Variants in INSRR observed in about 807,000 individuals in gnomAD.
INSRR encodes the protein insulin receptor-related protein.
INSRR carries 114 observed loss-of-function variants against 130.0 expected under a neutral mutation model. The observed-to-expected ratio is 0.88, with a 90% CI of 0.75 to 1.02. The LOEUF is 1.02. Ranked by LOEUF, INSRR falls within the 50% of genes least tolerant of loss-of-function variation. The pLI is 0.00. For missense variants in INSRR, 1,657 were observed against 1,735.2 expected (o/e 0.95, Z 0.80); for synonymous variants, 674 against 705.2 (o/e 0.96, Z 0.70).
Position 156,851,628 on chromosome 1 carries a change from C to T in INSRR, c.1084+18G>A. The stretch of plus-strand genomic sequence containing the variant: ...GTATGACCAGGAGGAGGGGTGTGGC[C>T]CCAAAGTAGGTACTGACAGCCCTGG... On this transcript the variant is annotated intron_variant, in intron 4 of 21. Coordinates refer to ENST00000368195, the MANE Select transcript of INSRR (RefSeq NM_014215.3). The T allele has an allele frequency of 1.2e-6, 2 of 1,614,022 alleles. No homozygotes were observed. The highest frequency in any genetic ancestry group is 8.5e-7 in the Non-Finnish European group (1 of 1,179,974).
In INSRR at chr1:156,854,129, C is replaced by T. The variant is rs150713464; in HGVS notation, c.260G>A (p.Arg87His). Residue 87 changes from arginine (R) to histidine (H), a missense_variant, in exon 2 of 22, where the codon CGT becomes CAT. Transcript: ENST00000368195. The surrounding 1 kb of genome is among the most constrained non-coding windows in gnomAD (Gnocchi z 4.2). ...TQVTDYLLLF[R>H]VYGLESLRDL... Reference sequence around the variant, plus strand: ...GCGCAGGCTCTCCAGTCCGTAGACACGGAAGAGCAGCAGGTAGTCGGTGAC... The same window carrying T: ...GCGCAGGCTCTCCAGTCCGTAGACATGGAAGAGCAGCAGGTAGTCGGTGAC... 279 of 1,614,036 alleles carry T rather than the reference C, an allele frequency of 1.7e-4. No individual in the cohort carries two copies. The highest frequency in any genetic ancestry group is 2.2e-4 in the Non-Finnish European group (254 of 1,180,044).
chr1:156,848,267 T>C (rs1246094169), intron 7 of INSRR, among the ~76,000 whole-genome samples: 4 of 152,192 alleles, frequency 2.6e-5, no homozygotes, highest in Admixed American at 2.0e-4. Flanking sequence ...CAGGAAATGC[T>C]TCTAAGCCAG....
At chr1:156,857,482 G>A (rs1434523647) in intron 1 of INSRR, among the ~76,000 whole-genome samples, 1 of 152,146 alleles carries the variant, frequency 6.6e-6, no homozygotes, top group Non-Finnish European at 1.5e-5. Context: ...GAACATCTGG[G>A]TCCCCTGAGC....
Position 156,844,720 on chromosome 1 carries a change from CG to C in INSRR, c.2560del (p.Arg854AlafsTer103), listed in dbSNP as rs1558085386. 1.2e-6 allele frequency: 2 copies of C among 1,614,102 alleles called. No homozygotes were observed. The highest frequency in any genetic ancestry group is 1.7e-5 in the Admixed American group (1 of 60,018). On this transcript the variant is annotated frameshift_variant, in exon 13 of 22. Transcript: ENST00000368195. LOFTEE classifies it high-confidence loss of function. ...ACGGGCACCTACCTCTCCCAAGCGG[CG>C]GTACTTGATTTCGTACTTGAGGATG... ...GLILKYEIKYRRLGEEATVLC... is the reference protein window; with the variant it reads ...GLILKYEIKYXRLGEEATVLC...
Position 156,846,174 on chromosome 1 carries a change from A to C in INSRR, c.1811-55T>G, listed in dbSNP as rs575489231. The C allele has an allele frequency of 2.3e-5, 34 of 1,496,490 alleles. No homozygotes were observed. In the Admixed American group the frequency reaches 6.8e-4, roughly 30 times the overall value. The allele number at this position is 1,496,490 out of a possible 1,614,324, so 92.7% of individuals were successfully genotyped here. On this transcript the variant is annotated intron_variant, in intron 8 of 21. Transcript: ENST00000368195. Reference sequence around the variant, plus strand: ...GGTGTGGGTCTTCCTCCTGAATACTATCTAGTAATGAGCCCTCCTTTCTGG... The same window carrying C: ...GGTGTGGGTCTTCCTCCTGAATACTCTCTAGTAATGAGCCCTCCTTTCTGG...
At chr1:156,844,152 G>A in intron 15 of INSRR, 23 bp downstream of exon 15, 1 of 1,555,218 alleles carries the variant, frequency 6.4e-7, no homozygotes, top group Non-Finnish European at 8.9e-7. Flanking sequence ...AAGGGGGTGG[G>A]GACCGGTGGG....
At position 156,842,280 on chromosome 1, in the gene INSRR, A is replaced by G; in HGVS notation, c.3238-9T>C. Reference sequence around the variant, plus strand: ...GGGAGCCCAGGGTTGTTCTAGAGCCAAGATTGGGGGCTGGTGAGGAAGGAA... The same window carrying G: ...GGGAGCCCAGGGTTGTTCTAGAGCCGAGATTGGGGGCTGGTGAGGAAGGAA... On this transcript the variant is annotated splice_polypyrimidine_tract_variant and intron_variant, in intron 18 of 21. Coordinates refer to ENST00000368195, the MANE Select transcript of INSRR (RefSeq NM_014215.3). 6.2e-7 allele frequency: 1 copy of G among 1,613,902 alleles called. No homozygotes were observed. The highest frequency in any genetic ancestry group is 8.5e-7 in the Non-Finnish European group (1 of 1,179,922).
In INSRR at chr1:156,841,437, C is replaced by T. The variant is rs770233344; in HGVS notation, c.3619G>A (p.Asp1207Asn). The T allele has an allele frequency of 6.2e-7, 1 of 1,613,986 alleles. No individual in the cohort carries two copies. Among genetic ancestry groups the T allele is most frequent in the South Asian group, 1.1e-5 (1 of 91,072 alleles). Residue 1207 changes from aspartate to asparagine, a missense_variant, in exon 21 of 22, where the codon GAT becomes AAT. Asp to Asn is a conservative substitution (Grantham distance 23). Coordinates refer to ENST00000368195, the MANE Select transcript of INSRR (RefSeq NM_014215.3). ...SNEQVLKFVM[D>N]GGVLEELEGC... ...TCCAGCTCCTCCAGGACCCCGCCAT[C>T]CATGACGAACTTCAGCACCTGCTCA...
rs1318754664 is a variant in INSRR at position 156,849,405 on chromosome 1, C to T, written c.1285G>A (p.Val429Met). 3.7e-6 allele frequency: 6 copies of T among 1,613,786 alleles called. No homozygotes were observed. Among genetic ancestry groups the T allele is most frequent in the African/African-American group, 1.3e-5 (1 of 74,828 alleles). ...ACGGGAATGGTGAGCCCCGCGGCCACCCAGGACCCTAGCTGTTGTAGGTTC... is the reference window on the plus strand; with the variant it reads ...ACGGGAATGGTGAGCCCCGCGGCCATCCAGGACCCTAGCTGTTGTAGGTTC... ...NQNLQQLGSWVAAGLTIPVGK... is the reference protein window; with the variant it reads ...NQNLQQLGSWMAAGLTIPVGK... Residue 429 changes from valine (V) to methionine (M), a missense_variant, in exon 6 of 22, where the codon GTG becomes ATG. Coordinates refer to ENST00000368195, the MANE Select transcript of INSRR (RefSeq NM_014215.3).
In INSRR at chr1:156,844,690, G is replaced by A. The variant is rs1234945958; in HGVS notation, c.2574+17C>T. ...GGCACAAAACGGGGCTGGGACGGGGGTCCCACGGGCACCTACCTCTCCCAA... is the reference window on the plus strand; with the variant it reads ...GGCACAAAACGGGGCTGGGACGGGGATCCCACGGGCACCTACCTCTCCCAA... On this transcript the variant is annotated intron_variant, in intron 13 of 21. Transcript: ENST00000368195. 1.9e-6 allele frequency: 3 copies of A among 1,613,978 alleles called. No homozygotes were observed. Among genetic ancestry groups the A allele is most frequent in the Admixed American group, 3.3e-5 (2 of 60,004 alleles).
chr1:156,849,464 G>A lies in INSRR; in HGVS notation c.1230-4C>T, dbSNP rs557498954. The A allele has an allele frequency of 1.4e-5, 22 of 1,604,174 alleles. No individual in the cohort carries two copies. The South Asian group carries it at 2.2e-4, about 16-fold the overall frequency. ...CAGCACGTAGAGAGTGTAGTTCCTG[G>A]GGGAGGCCAGGGGACCTTGCTCTGC... is the stretch of plus-strand genomic sequence containing the variant. On this transcript the variant is annotated splice_region_variant and splice_polypyrimidine_tract_variant and intron_variant, in intron 5 of 21. Coordinates refer to ENST00000368195, the MANE Select transcript of INSRR (RefSeq NM_014215.3).
At chr1:156,849,600 C>T in intron 5 of INSRR, 140 bp from the exon 6 acceptor site, 1 of 646,668 alleles carries the variant, frequency 1.5e-6, no homozygotes, top group South Asian at 1.8e-5. Context: ...CACCAGCACA[C>T]CGGGGGCATT....
At position 156,846,722 on chromosome 1, in the gene INSRR, T is replaced by C; in HGVS notation, c.1607A>G (p.Asp536Gly). ...GTTCCAGCTCTGGGTTCCACAAGCA[T>C]CTGGACCCACGTGCTCTGTGGCGTT... ...FQNATEHVGP[D>G]ACGTQSWNLL... is the part of the protein sequence containing the mutation. The change falls in exon 8 of 22, where the codon GAT becomes GGT. Residue 536 changes from aspartate to glycine, a missense_variant. Asp to Gly is a moderately conservative substitution (Grantham distance 94). Coordinates refer to ENST00000368195, the MANE Select transcript of INSRR (RefSeq NM_014215.3). 1.2e-6 allele frequency: 2 copies of C among 1,614,070 alleles called. No homozygotes were observed. Among genetic ancestry groups the C allele is most frequent in the Non-Finnish European group, 8.5e-7 (1 of 1,180,028 alleles).
Position 156,854,319 on chromosome 1 carries a change from G to A in INSRR, c.86-16C>T, listed in dbSNP as rs756102590. The A allele has an allele frequency of 9.4e-6, 15 of 1,594,156 alleles. No individual in the cohort carries two copies. The highest frequency in any genetic ancestry group is 2.7e-5 in the African/African-American group (2 of 74,732). The stretch of plus-strand genomic sequence containing the variant: ...CTGGGGCACACTGTGGGCATACACG[G>A]CACGCAGCATTGAGTACAGCCCAGG... On this transcript the variant is annotated splice_polypyrimidine_tract_variant and intron_variant, in intron 1 of 21. Transcript: ENST00000368195. This position sits in a 1 kb window ranked among gnomAD's most constrained non-coding sequence, Gnocchi z 4.2.
At position 156,854,345 on chromosome 1, in the gene INSRR, C is replaced by T; in HGVS notation, c.86-42G>A. 1.3e-6 allele frequency: 2 copies of T among 1,539,354 alleles called. No individual in the cohort carries two copies. Among genetic ancestry groups the T allele is most frequent in the South Asian group, 1.2e-5 (1 of 80,582 alleles). ...CACGCAGCATTGAGTACAGCCCAGG[C>T]CAAATTCCCCATCCAGCCCTGGCAG... On this transcript the variant is annotated intron_variant, in intron 1 of 21. Coordinates refer to ENST00000368195, the MANE Select transcript of INSRR (RefSeq NM_014215.3). The surrounding 1 kb of genome is among the most constrained non-coding windows in gnomAD (Gnocchi z 4.2).
At chr1:156,841,221 G>A (rs2102852050) in intron 21 of INSRR, 117 bp from the exon 22 acceptor site, 1 of 982,896 alleles carries the variant, frequency 1.0e-6, no homozygotes, top group South Asian at 1.5e-5. Context: ...TGCCTGGGAG[G>A]GTGAGAAGGG....
chr1:156,851,024 G>A (rs947367549), intron 5 of INSRR, among the ~76,000 whole-genome samples: 1 of 152,138 alleles, frequency 6.6e-6, no homozygotes, highest in African/African-American at 2.4e-5. Flanking sequence ...AATTTATATT[G>A]TATATACTGT....
intron 7 of INSRR, among the ~76,000 whole-genome samples, chr1:156,846,971 CT>C (rs1324986846): frequency 5.3e-5 from 8 of 152,166 alleles, no homozygotes; most frequent in African/African-American, 1.9e-4. Context: ...GATATAGCTC[CT>C]CATCCTTAGC....
chr1:156,853,621 C>G (rs574346471), intron 2 of INSRR, 131 bp downstream of exon 2: 332 of 948,026 alleles, frequency 3.5e-4, no homozygotes, highest in Non-Finnish European at 3.6e-4. Flanking sequence ...CCTTACCTGC[C>G]TCATAGGATG....
Sources: allele counts gnomAD v4.1 joint callset (sites outside exome capture counted in the v4.1 genomes callset), GRCh38; gene constraint gnomAD v4.1.1; non-coding constraint Gnocchi (gnomAD v3.1); transcripts MANE v1.5; gene names NCBI Gene and HGNC (gene_info 2026-07-23, HGNC 2026-07-21).